Variants in GALNT17 observed in about 807,000 individuals in gnomAD.
GALNT17 encodes the protein polypeptide N-acetylgalactosaminyltransferase 17.
Under a neutral mutation model 63.7 loss-of-function variants are expected in GALNT17, and 29 were observed. The ratio of observed to expected loss-of-function variants is 0.46; its 90% confidence interval spans 0.34 to 0.62. The LOEUF (loss-of-function observed/expected upper bound fraction) is 0.62, where lower values mean the gene tolerates loss of function less well. Ranked by LOEUF, GALNT17 falls within the 20% of genes least tolerant of loss-of-function variation. GALNT17 has a pLI of 0.01. For missense variants in GALNT17, 603 were observed against 799.6 expected (o/e 0.75, Z 2.97); for synonymous variants, 305 against 318.3 (o/e 0.96, Z 0.45).
chr7:71,546,351 G>A (rs945461548), intron 5 of GALNT17, among the ~76,000 whole-genome samples: 2 of 151,880 alleles, frequency 1.3e-5, no homozygotes, highest in African/African-American at 4.8e-5. Flanking sequence ...TAGTAGAGAT[G>A]GGGTTTTGTC....
chr7:71,380,855 T>C (rs981120600), intron 2 of GALNT17, among the ~76,000 whole-genome samples: 3 of 151,856 alleles, frequency 2.0e-5, no homozygotes, highest in Non-Finnish European at 4.4e-5. Flanking sequence ...GAAGTGCTTC[T>C]CCCATTTCCA....
intron 2 of GALNT17, among the ~76,000 whole-genome samples, chr7:71,352,682 G>A (rs1355557478): frequency 2.0e-5 from 3 of 152,206 alleles, no homozygotes; most frequent in South Asian, 2.1e-4. Context: ...TCAAAGCTGA[G>A]ATCACTAAGG....
At chr7:71,380,085 C>T (rs1563050074) in intron 2 of GALNT17, among the ~76,000 whole-genome samples, 1 of 152,112 alleles carries the variant, frequency 6.6e-6, no homozygotes, top group Non-Finnish European at 1.5e-5. Flanking sequence ...GTGTTGCATA[C>T]TGCAGAAAGG....
chr7:71,670,867 G>A lies in GALNT17; in HGVS notation c.1404+758G>A, dbSNP rs1791057959. ...AGAGATAACGTGTACACTTTGATGT[G>A]TGGGCCTCCGGACTGTGTGTGTGTG... On this transcript the variant is annotated intron_variant, in intron 8 of 10. Coordinates refer to ENST00000333538, the MANE Select transcript of GALNT17 (RefSeq NM_022479.3). 2.1e-5 allele frequency among the ~76,000 whole-genome samples: 3 copies of A among 145,626 alleles called. No individual in the cohort carries two copies. The Admixed American group carries it at 2.2e-4, about 11-fold the overall frequency.
At chr7:71,506,423 C>T (rs561033733) in intron 5 of GALNT17, among the ~76,000 whole-genome samples, 3 of 152,072 alleles carry the variant, frequency 2.0e-5, no homozygotes, top group Non-Finnish European at 2.9e-5. Context: ...CCTGCCCCCA[C>T]GCCAGTCTAA....
chr7:71,196,225 G>A (rs1033266481), intron 1 of GALNT17, among the ~76,000 whole-genome samples: 2 of 151,280 alleles, frequency 1.3e-5, no homozygotes, highest in African/African-American at 4.9e-5. Flanking sequence ...TGCAAACTCC[G>A]CCTCCAGGTT....
At chr7:71,311,632 C>T (rs1026595192) in intron 1 of GALNT17, among the ~76,000 whole-genome samples, 1 of 152,126 alleles carries the variant, frequency 6.6e-6, no homozygotes. Flanking sequence ...AGATGAGCAG[C>T]GCAGCATCTC....
At chr7:71,591,753 C>T (rs562717797) in intron 6 of GALNT17, among the ~76,000 whole-genome samples, 1 of 152,174 alleles carries the variant, frequency 6.6e-6, no homozygotes, top group East Asian at 1.9e-4. Context: ...GCCTCTGCCT[C>T]CCAGATTCCA....
chr7:71,241,280 G>C (rs976738298), intron 1 of GALNT17, among the ~76,000 whole-genome samples: 6 of 152,182 alleles, frequency 3.9e-5, no homozygotes, highest in Non-Finnish European at 5.9e-5. Context: ...GGGTAAGTAA[G>C]CTCCCTGGGG....
chr7:71,529,659 C>A (rs1788682183), intron 5 of GALNT17, among the ~76,000 whole-genome samples: 1 of 152,152 alleles, frequency 6.6e-6, no homozygotes, highest in African/African-American at 2.4e-5. Flanking sequence ...CAGCTCTGAG[C>A]TTCAAGTAGC....
chr7:71,690,837 T>C (rs1024228638), intron 9 of GALNT17, among the ~76,000 whole-genome samples: 1 of 152,202 alleles, frequency 6.6e-6, no homozygotes, highest in Middle Eastern at 3.2e-3. Context: ...ACTGAATTGC[T>C]GCAATCTCAT....
intron 1 of GALNT17, among the ~76,000 whole-genome samples, chr7:71,146,380 TC>T (rs1788023920): frequency 6.6e-6 from 1 of 152,116 alleles, no homozygotes; most frequent in African/African-American, 2.4e-5. Flanking sequence ...AGACCTGACT[TC>T]CTAGCAGCTC....
chr7:71,637,445 T>C (rs1382022743), intron 6 of GALNT17, among the ~76,000 whole-genome samples: 3 of 151,628 alleles, frequency 2.0e-5, no homozygotes, highest in Non-Finnish European at 4.4e-5. Context: ...TGCCTCGGCC[T>C]CCCAAAGTGC....
chr7:71,588,995 G>A (rs1789760286), intron 6 of GALNT17, among the ~76,000 whole-genome samples: 3 of 152,084 alleles, frequency 2.0e-5, no homozygotes, highest in East Asian at 1.9e-4. Context: ...TCAATACGGG[G>A]CCCTTAAAAA....
intron 5 of GALNT17, among the ~76,000 whole-genome samples, chr7:71,495,461 C>T (rs1788079283): frequency 6.6e-6 from 1 of 152,098 alleles, no homozygotes; most frequent in Non-Finnish European, 1.5e-5. Context: ...GGATTAGTAA[C>T]ATAATTAATC....
At chr7:71,512,972 C>G (rs1232931747) in intron 5 of GALNT17, among the ~76,000 whole-genome samples, 1 of 152,220 alleles carries the variant, frequency 6.6e-6, no homozygotes, top group Non-Finnish European at 1.5e-5. Flanking sequence ...GAAACTGAAA[C>G]ACTACATTAA....
intron 1 of GALNT17, among the ~76,000 whole-genome samples, chr7:71,167,722 C>T (rs1286398607): frequency 1.3e-5 from 2 of 152,092 alleles, no homozygotes; most frequent in East Asian, 3.9e-4. Context: ...GTCTCACTCA[C>T]TGTGTCGCTC....
intron 10 of GALNT17, among the ~76,000 whole-genome samples, chr7:71,711,484 C>G (rs1293465242): frequency 6.6e-6 from 1 of 151,936 alleles, no homozygotes. Context: ...GCCTCTCTCT[C>G]TCTTTCTTTC....
chr7:71,220,904 T>C (rs768444034), intron 1 of GALNT17, among the ~76,000 whole-genome samples: 1 of 152,198 alleles, frequency 6.6e-6, no homozygotes, highest in Non-Finnish European at 1.5e-5. Flanking sequence ...TAGTTTGTAA[T>C]GGCAAACTAA....
Sources: gnomAD v4.1 joint callset for allele counts (sites outside exome capture counted in the v4.1 genomes callset) on GRCh38, gnomAD v4.1.1 for gene constraint, MANE v1.5 for transcripts, NCBI Gene and HGNC (gene_info 2026-07-23, HGNC 2026-07-21) for gene names.